ARHGAP40: variants seen among roughly 807,000 people sequenced by gnomAD.
The protein encoded by ARHGAP40 is rho GTPase-activating protein 40.
In ARHGAP40, 43 loss-of-function variants were observed where a neutral mutation model predicts 73.5. The observed-to-expected ratio is 0.58, with a 90% CI of 0.46 to 0.75. The LOEUF is 0.75. ARHGAP40 is among the 30% of genes least tolerant of loss of function. The pLI is 0.00. For missense variants in ARHGAP40, 734 were observed against 861.8 expected, an observed-to-expected ratio of 0.85 and a Z score of 1.86; for synonymous variants, 300 against 352.8, an observed-to-expected ratio of 0.85 and a Z score of 1.68.
chr20:38,602,060 T>C (rs1357377904), exon 1 of ARHGAP40: 7 of 1,285,656 alleles, frequency 5.4e-6, no homozygotes, highest in Non-Finnish European at 7.1e-6. Flanking sequence ...CGCCCAGCGC[T>C]GGGCCGACCT....
At chr20:38,637,447 C>T (rs2088982528) in intron 6 of ARHGAP40, among the ~76,000 whole-genome samples, 1 of 151,546 alleles carries the variant, frequency 6.6e-6, no homozygotes, top group Non-Finnish European at 1.5e-5. Flanking sequence ...CTGCACCCGG[C>T]CCTTTCAATA....
At chr20:38,649,883 C>T (rs1315274978) in exon 15 of ARHGAP40, 3 of 1,258,154 alleles carry the variant, frequency 2.4e-6, no homozygotes, top group Non-Finnish European at 3.2e-6. Context: ...TGGATGCCTC[C>T]TCCTCTCCCC....
chr20:38,618,775 G>A (rs1216401902), intron 1 of ARHGAP40, among the ~76,000 whole-genome samples: 1 of 152,176 alleles, frequency 6.6e-6, no homozygotes, highest in East Asian at 1.9e-4. Flanking sequence ...AGCAGAGAGT[G>A]AGAGAGCCAG....
At chr20:38,636,354 C>T (rs778768364) in intron 6 of ARHGAP40, among the ~76,000 whole-genome samples, 55 of 151,934 alleles carry the variant, frequency 3.6e-4, no homozygotes, top group South Asian at 1.0e-3. Flanking sequence ...CTCAATCTCC[C>T]CAGGCTCAGG....
At chr20:38,640,599 T>C (rs534798233) in intron 9 of ARHGAP40, among the ~76,000 whole-genome samples, 6 of 152,148 alleles carry the variant, frequency 3.9e-5, no homozygotes, top group Non-Finnish European at 8.8e-5. Context: ...TGTAATAAGA[T>C]TCCACTTCTT....
chr20:38,634,890 T>TG, intron 6 of ARHGAP40, 105 bp downstream of exon 6: 2 of 1,132,486 alleles, frequency 1.8e-6, no homozygotes, highest in Non-Finnish European at 2.2e-6. Flanking sequence ...TTCTTTCTTT[T>TG]TTTTTTTTTT....
At chr20:38,618,717 T>G (rs1404047810) in intron 1 of ARHGAP40, among the ~76,000 whole-genome samples, 1 of 152,118 alleles carries the variant, frequency 6.6e-6, no homozygotes, top group African/African-American at 2.4e-5. Context: ...GCATGTCACC[T>G]GGCACTTGGC....
At chr20:38,614,698 G>T (rs1221583849) in intron 1 of ARHGAP40, among the ~76,000 whole-genome samples, 2 of 152,170 alleles carry the variant, frequency 1.3e-5, no homozygotes, top group Non-Finnish European at 2.9e-5. Flanking sequence ...CTGATTTCTA[G>T]AAGTAGATGT....
intron 1 of ARHGAP40, among the ~76,000 whole-genome samples, chr20:38,609,159 G>T (rs955198021): frequency 6.6e-6 from 1 of 152,128 alleles, no homozygotes; most frequent in African/African-American, 2.4e-5. Flanking sequence ...GTAGTGGGGG[G>T]GTTATTCTGC....
intron 13 of ARHGAP40, among the ~76,000 whole-genome samples, chr20:38,647,673 G>A (rs951616706): frequency 3.9e-5 from 6 of 152,156 alleles, no homozygotes; most frequent in South Asian, 2.1e-4. Context: ...GATTACAGGC[G>A]TGAGCCACCG....
chr20:38,648,762 G>C, intron 14 of ARHGAP40, 64 bp downstream of exon 14: 2 of 1,254,920 alleles, frequency 1.6e-6, no homozygotes, highest in Non-Finnish European at 2.1e-6. Context: ...GACCTCAAAG[G>C]CTCACTGGGC....
At chr20:38,644,181 A>T (rs776537710) in intron 11 of ARHGAP40, among the ~76,000 whole-genome samples, 8 of 152,206 alleles carry the variant, frequency 5.3e-5, no homozygotes, top group Middle Eastern at 3.4e-3. Context: ...ACTCCTGCAA[A>T]TAATTCCTTC....
chr20:38,611,413 C>CTTTTT (rs11482396), intron 1 of ARHGAP40, among the ~76,000 whole-genome samples: 3 of 118,328 alleles, frequency 2.5e-5, no homozygotes, highest in Non-Finnish European at 5.1e-5. Flanking sequence ...CTATTTAAAA[C>CTTTTT]TTTTTTTTTT....
intron 9 of ARHGAP40, among the ~76,000 whole-genome samples, chr20:38,640,459 C>A (rs944107538): frequency 1.3e-5 from 2 of 152,086 alleles, no homozygotes; most frequent in African/African-American, 4.8e-5. Context: ...TGGCCTCAAG[C>A]GATCCTCCCA....
intron 2 of ARHGAP40, among the ~76,000 whole-genome samples, chr20:38,624,216 G>A (rs542849070): frequency 2.0e-5 from 3 of 152,142 alleles, no homozygotes; most frequent in South Asian, 2.1e-4. Context: ...TGACCATCAG[G>A]GGGCCTCATC....
At chr20:38,617,968 G>C (rs1469777585) in intron 1 of ARHGAP40, among the ~76,000 whole-genome samples, 1 of 152,208 alleles carries the variant, frequency 6.6e-6, no homozygotes, top group Non-Finnish European at 1.5e-5. Flanking sequence ...GGTAGTCTCT[G>C]TTAGCTTCAT....
chr20:38,634,360 AAAAC>A (rs2088959973), intron 5 of ARHGAP40, among the ~76,000 whole-genome samples: 2 of 152,314 alleles, frequency 1.3e-5, no homozygotes, highest in South Asian at 2.1e-4. Flanking sequence ...TCCAAAGAAA[AAAAC>A]AAACAAACGT....
chr20:38,623,665 T>G, intron 2 of ARHGAP40, 107 bp downstream of exon 2: 12 of 942,686 alleles, frequency 1.3e-5, no homozygotes, highest in South Asian at 3.3e-5. Flanking sequence ...GCATTTTCTC[T>G]GTTGCCTGGA....
Position 38,640,189 on chromosome 20 carries a change from T to TTC in ARHGAP40, c.1279+804_1279+805insCT, listed in dbSNP as rs1568611191. ...TTTCTTCTTCTTTCTTCTTTTCTTCTTTTCTTCTTTCTTCTTTCTTCTTTC... is the reference window on the plus strand; with the variant it reads ...TTTCTTCTTCTTTCTTCTTTTCTTCTTCTTTCTTCTTTCTTCTTTCTTCTTTC... On this transcript the variant is annotated intron_variant, in intron 9 of 14. Transcript: ENST00000373345. Among the ~76,000 whole-genome samples, 19 of 143,418 alleles carry TTC rather than the reference T, an allele frequency of 1.3e-4. No individual in the cohort carries two copies. The East Asian group carries it at 1.4e-3, about 11-fold the overall frequency. The allele number at this position is 143,418 out of a possible 152,430, so 94.1% of individuals were successfully genotyped here. A position where few individuals can be genotyped will look rare whatever the true frequency, so the allele number is the denominator to read the frequency against.
Sources: allele counts gnomAD v4.1 joint callset (sites outside exome capture counted in the v4.1 genomes callset), GRCh38; gene constraint gnomAD v4.1.1; transcripts MANE v1.5; gene names NCBI Gene and HGNC (gene_info 2026-07-23, HGNC 2026-07-21).